The following CHST3 variants were observed in gnomAD, a reference collection of about 807,000 sequenced individuals.
CHST3 encodes carbohydrate sulfotransferase 3.
Under a neutral mutation model 35.4 loss-of-function variants are expected in CHST3, and 20 were observed. That is an observed-to-expected ratio of 0.57 (90% CI 0.40 to 0.82). The LOEUF (loss-of-function observed/expected upper bound fraction) is 0.82, where lower values mean the gene tolerates loss of function less well. CHST3 is among the 40% of genes least tolerant of loss of function. The pLI is 0.00. For missense variants in CHST3, 693 were observed against 670.1 expected, an observed-to-expected ratio of 1.03 and a Z score of -0.38; for synonymous variants, 334 against 295.9, an observed-to-expected ratio of 1.13 and a Z score of -1.32.
intron 1 of CHST3, among the ~76,000 whole-genome samples, chr10:71,994,612 A>AAGTC: frequency 6.6e-6 from 1 of 152,338 alleles, no homozygotes; most frequent in African/African-American, 2.4e-5. Flanking sequence ...CTTCAGCTTA[A>AAGTC]AGTCACCAGC....
chr10:71,996,301 A>G (rs1159392495), intron 1 of CHST3, among the ~76,000 whole-genome samples: 1 of 152,228 alleles, frequency 6.6e-6, no homozygotes, highest in South Asian at 2.1e-4. Flanking sequence ...TAGGACCTCA[A>G]AGACAATAAG....
chr10:71,970,850 G>A (rs1433786489), intron 1 of CHST3, among the ~76,000 whole-genome samples: 1 of 152,134 alleles, frequency 6.6e-6, no homozygotes, highest in Non-Finnish European at 1.5e-5. Context: ...TCCAAGACGG[G>A]GCCTACCTGT....
Position 72,008,258 on chromosome 10 carries a change from C to G in CHST3, c.1227C>G (p.His409Gln). ...TCCAAAAGAACACGCAGGCGGCCCA[C>G]GACGGCAGCGGCATCTACTCCACGC... ...DWIQKNTQAAHDGSGIYSTQK... is the reference protein window; with the variant it reads ...DWIQKNTQAAQDGSGIYSTQK... The change falls in exon 3 of 3, where the codon CAC (histidine) becomes CAG (glutamine). Residue 409 changes from histidine (H) to glutamine (Q), a missense_variant. By Grantham distance (24) the His-to-Gln change is conservative. Transcript: ENST00000373115. 3 of 1,579,138 alleles carry G rather than the reference C, an allele frequency of 1.9e-6. No individual in the cohort carries two copies. The highest frequency in any genetic ancestry group is 1.7e-6 in the Non-Finnish European group (2 of 1,163,036).
intron 1 of CHST3, among the ~76,000 whole-genome samples, chr10:71,967,608 T>C (rs1382925292): frequency 6.6e-6 from 1 of 152,240 alleles, no homozygotes; most frequent in Non-Finnish European, 1.5e-5. Flanking sequence ...ATGTTTTTGC[T>C]ATTGTGACTA....
chr10:72,004,078 A>G (rs1840016324), intron 1 of CHST3, among the ~76,000 whole-genome samples: 1 of 152,154 alleles, frequency 6.6e-6, no homozygotes, highest in South Asian at 2.1e-4. Flanking sequence ...CGGGAGGCTG[A>G]GGCAGGAGAA....
rs190578031 is a variant in CHST3 at position 71,999,670 on chromosome 10, C to T, written c.-107-6066C>T. 6.4e-3 allele frequency among the ~76,000 whole-genome samples: 977 copies of T among 152,336 alleles called. 16 individuals carry two copies. Among genetic ancestry groups the T allele is most frequent in the African/African-American group, 0.022 (932 of 41,568 alleles). ...GACTTGCTGGGACCCCCACCTTCCC[C>T]GGAGGAGGCCGGAACAGGCCGCAGT... On this transcript the variant is annotated intron_variant, in intron 1 of 2. Transcript: ENST00000373115.
At chr10:71,996,686 T>C (rs1839942856) in intron 1 of CHST3, among the ~76,000 whole-genome samples, 1 of 152,178 alleles carries the variant, frequency 6.6e-6, no homozygotes. Context: ...AAGGCCAGCC[T>C]ACAGGAAACA....
intron 1 of CHST3, among the ~76,000 whole-genome samples, chr10:71,967,178 G>A (rs1839639655): frequency 6.6e-6 from 1 of 152,110 alleles, no homozygotes; most frequent in Admixed American, 6.6e-5. Context: ...TTTTTGTAGA[G>A]ACAGGGTTTT....
intron 1 of CHST3, among the ~76,000 whole-genome samples, chr10:71,988,318 C>A (rs1321761259): frequency 1.3e-5 from 2 of 152,222 alleles, no homozygotes; most frequent in African/African-American, 4.8e-5. Flanking sequence ...AGCCCTTCCC[C>A]TGTGATATAG....
Position 71,988,670 on chromosome 10 carries a change from T to C in CHST3, c.-107-17066T>C, listed in dbSNP as rs1293011355. 2.6e-5 allele frequency among the ~76,000 whole-genome samples: 4 copies of C among 152,206 alleles called. No homozygotes were observed. The East Asian group carries it at 7.7e-4, about 29-fold the overall frequency. ...AAGAGCCAATTAAACTGCTTTTCTT[T>C]ATAAATTACCCAGTCTCAGGTATTT... is the stretch of plus-strand genomic sequence containing the variant. On this transcript the variant is annotated intron_variant, in intron 1 of 2. Coordinates refer to ENST00000373115, the MANE Select transcript of CHST3 (RefSeq NM_004273.5).
At chr10:71,989,184 A>C (rs1047324826) in intron 1 of CHST3, among the ~76,000 whole-genome samples, 4 of 152,106 alleles carry the variant, frequency 2.6e-5, no homozygotes, top group Non-Finnish European at 5.9e-5. Context: ...AAAGAAAAAG[A>C]AAGGAAGGAA....
rs1840032774 is a variant in CHST3 at position 72,005,821 on chromosome 10, C to T, written c.-22C>T. The T allele has an allele frequency of 6.2e-7, 1 of 1,614,046 alleles. No homozygotes were observed. The highest frequency in any genetic ancestry group is 1.7e-5 in the Admixed American group (1 of 60,010). On this transcript the variant is annotated 5_prime_UTR_variant, in exon 2 of 3. Transcript: ENST00000373115. ...AGTGTCCAAGGCTGGCCCGAGGAGC[C>T]CCCACGGCCCCACCTTTCCCCATGG...
intron 1 of CHST3, among the ~76,000 whole-genome samples, chr10:72,004,310 TGC>T (rs1489110323): frequency 6.6e-6 from 1 of 152,184 alleles, no homozygotes; most frequent in Non-Finnish European, 1.5e-5. Context: ...CTCCCTGTCC[TGC>T]CTGAAGGGAT....
At position 72,012,191 on chromosome 10, in the gene CHST3, A is replaced by T. The variant is rs1840117971; in HGVS notation, c.*3720A>T. On this transcript the variant is annotated 3_prime_UTR_variant, in exon 3 of 3. Transcript: ENST00000373115. ...CAGAACAGAGGGCACCAGGCATCAC[A>T]CGACATCTTTCCCTCCCATCTCTGC... is the stretch of plus-strand genomic sequence containing the variant. 6.6e-6 allele frequency: 1 copy of T among 152,176 alleles called. No individual in the cohort carries two copies. The highest frequency in any genetic ancestry group is 1.5e-5 in the Non-Finnish European group (1 of 68,058). The allele number at this position is 152,176 out of a possible 1,614,324, so 9.4% of individuals were successfully genotyped here.
chr10:71,973,323 C>T (rs1292304889), intron 1 of CHST3, among the ~76,000 whole-genome samples: 3 of 152,196 alleles, frequency 2.0e-5, no homozygotes, highest in African/African-American at 7.2e-5. Context: ...GCCTGCCTGC[C>T]CTGGATGCCC....
In CHST3 at chr10:71,981,060, A is replaced by G. The variant is rs115514046; in HGVS notation, c.-108+16366A>G. Among the ~76,000 whole-genome samples the G allele has an allele frequency of 5.4e-3, 819 of 152,308 alleles. 7 individuals are homozygous for G. The highest frequency in any genetic ancestry group is 0.018 in the African/African-American group (742 of 41,574). ...TCTTCTAAAGGCAATGAAAGGCGCTATTTAGCATGTGGGTTTCAACTTTCT... is the reference window on the plus strand; with the variant it reads ...TCTTCTAAAGGCAATGAAAGGCGCTGTTTAGCATGTGGGTTTCAACTTTCT... On this transcript the variant is annotated intron_variant, in intron 1 of 2. Coordinates refer to ENST00000373115, the MANE Select transcript of CHST3 (RefSeq NM_004273.5).
At chr10:71,986,381 G>T (rs1384502148) in intron 1 of CHST3, among the ~76,000 whole-genome samples, 5 of 152,230 alleles carry the variant, frequency 3.3e-5, no homozygotes, top group Admixed American at 6.5e-5. Context: ...TTCTCTGGAT[G>T]ATTCTTATGC....
At chr10:71,971,088 G>A (rs796180710) in intron 1 of CHST3, among the ~76,000 whole-genome samples, 3 of 152,276 alleles carry the variant, frequency 2.0e-5, no homozygotes, top group Non-Finnish European at 2.9e-5. Flanking sequence ...TTAAAACCAG[G>A]CACCCGGTTA....
At chr10:72,000,928 A>G (rs753302431) in intron 1 of CHST3, among the ~76,000 whole-genome samples, 16 of 152,020 alleles carry the variant, frequency 1.1e-4, no homozygotes, top group South Asian at 8.3e-4. Context: ...GTGATGCAGC[A>G]TGGAAGATGA....
Sources: gnomAD v4.1 joint callset for allele counts (sites outside exome capture counted in the v4.1 genomes callset) on GRCh38, gnomAD v4.1.1 for gene constraint, MANE v1.5 for transcripts, NCBI Gene and HGNC (gene_info 2026-07-23, HGNC 2026-07-21) for gene names.